Variants in UVRAG observed in about 807,000 individuals in gnomAD.
The protein encoded by UVRAG is UV radiation resistance associated, also known as UV radiation resistance-associated gene protein.
Under a neutral mutation model 78.0 loss-of-function variants are expected in UVRAG, and 19 were observed. The ratio of observed to expected loss-of-function variants is 0.24; its 90% CI spans 0.17 to 0.36. The LOEUF (loss-of-function observed/expected upper bound fraction) is 0.36, where lower values mean the gene tolerates loss of function less well. Among genes scored for constraint, UVRAG ranks in the 10% least tolerant of loss-of-function variants. The probability of loss-of-function intolerance (pLI) is 1.00; values close to 1 mark genes in which losing one functional copy is unlikely to be tolerated. For synonymous variants in UVRAG, 323 were observed against 324.6 expected, an observed-to-expected ratio of 1.00 and a Z score of 0.05; for missense variants, 740 against 853.8, an observed-to-expected ratio of 0.87 and a Z score of 1.66.
chr11:76,079,302 A>C (rs1413786549), intron 13 of UVRAG, among the ~76,000 whole-genome samples: 1 of 152,054 alleles, frequency 6.6e-6, no homozygotes. Context: ...TGGGCAGCAC[A>C]ACAAGACCTC....
At chr11:75,923,484 C>G (rs1162224760) in intron 6 of UVRAG, among the ~76,000 whole-genome samples, 2 of 152,138 alleles carry the variant, frequency 1.3e-5, no homozygotes, top group African/African-American at 2.4e-5. Flanking sequence ...GCATTTGTCT[C>G]TGGATCGCTG....
chr11:75,867,625 AT>A (rs1435724067), intron 3 of UVRAG, among the ~76,000 whole-genome samples: 1 of 152,138 alleles, frequency 6.6e-6, no homozygotes, highest in African/African-American at 2.4e-5. Flanking sequence ...GTATGGATGT[AT>A]TTCTGTTGAG....
intron 1 of UVRAG, among the ~76,000 whole-genome samples, chr11:75,848,102 G>A (rs1946075862): frequency 6.6e-6 from 1 of 151,750 alleles, no homozygotes; most frequent in Admixed American, 6.6e-5. Flanking sequence ...GGAGACTGAG[G>A]TGGGAGGATT....
intron 1 of UVRAG, among the ~76,000 whole-genome samples, chr11:75,838,689 A>G (rs1251361422): frequency 6.6e-6 from 1 of 152,188 alleles, no homozygotes; most frequent in Non-Finnish European, 1.5e-5. Flanking sequence ...TCAGATTGCC[A>G]TCTGTTATGG....
intron 6 of UVRAG, among the ~76,000 whole-genome samples, chr11:75,956,756 T>C (rs1170479962): frequency 1.3e-5 from 2 of 152,204 alleles, no homozygotes; most frequent in Non-Finnish European, 2.9e-5. Context: ...TTTAGTGTTG[T>C]CATTTTAATT....
At chr11:75,878,006 G>T (rs1352576624) in intron 3 of UVRAG, among the ~76,000 whole-genome samples, 2 of 147,986 alleles carry the variant, frequency 1.4e-5, no homozygotes, top group Non-Finnish European at 3.0e-5. Flanking sequence ...GGGCGGAGAC[G>T]CTCCTCACTT....
intron 12 of UVRAG, among the ~76,000 whole-genome samples, chr11:76,038,310 A>C (rs992540381): frequency 1.3e-5 from 2 of 152,178 alleles, no homozygotes; most frequent in Non-Finnish European, 2.9e-5. Flanking sequence ...AAAAAATTCC[A>C]TTCAGCACCT....
At chr11:76,105,932 G>A (rs559708463) in intron 13 of UVRAG, among the ~76,000 whole-genome samples, 6 of 152,162 alleles carry the variant, frequency 3.9e-5, no homozygotes, top group Admixed American at 2.0e-4. Context: ...AAAGTAGTTC[G>A]CATTTTAAAA....
intron 12 of UVRAG, among the ~76,000 whole-genome samples, chr11:76,025,325 A>G (rs976591877): frequency 6.6e-5 from 10 of 152,162 alleles, no homozygotes; most frequent in African/African-American, 1.7e-4. Context: ...TTATTGTGCT[A>G]CTTAACTGTC....
chr11:75,859,164 C>A (rs1440323928), intron 2 of UVRAG, among the ~76,000 whole-genome samples: 1 of 152,246 alleles, frequency 6.6e-6, no homozygotes, highest in East Asian at 1.9e-4. Context: ...CATTTGAGGT[C>A]AGGAGTTCAA....
chr11:75,873,014 T>C (rs755936862), intron 3 of UVRAG, among the ~76,000 whole-genome samples: 2 of 152,246 alleles, frequency 1.3e-5, no homozygotes, highest in Non-Finnish European at 2.9e-5. Flanking sequence ...AAATCAGTGA[T>C]GGTGATGTGT....
At chr11:75,828,761 A>G (rs1423268841) in intron 1 of UVRAG, among the ~76,000 whole-genome samples, 15,151 of 129,074 alleles carry the variant, frequency 0.12, 1,106 homozygotes, top group East Asian at 0.22. Flanking sequence ...ACACATATAT[A>G]TATATATATA....
intron 13 of UVRAG, among the ~76,000 whole-genome samples, chr11:76,082,319 T>A (rs930010422): frequency 3.9e-5 from 6 of 152,010 alleles, no homozygotes; most frequent in Admixed American, 1.3e-4. Flanking sequence ...GGCGGGCAGA[T>A]CACGAGGTCA....
chr11:76,032,414 C>A (rs1248953001), intron 12 of UVRAG, among the ~76,000 whole-genome samples: 1 of 152,138 alleles, frequency 6.6e-6, no homozygotes, highest in Non-Finnish European at 1.5e-5. Flanking sequence ...TTCTCTAATT[C>A]ATTGAAAATG....
rs143471019 is a variant in UVRAG at position 75,823,459 on chromosome 11, A to G, written c.117+7935A>G. ...AATTATGTGCCTCAGCCTCCCAAGTAGCTGGGACCACAGGTGCACACCACC... is the reference window on the plus strand; with the variant it reads ...AATTATGTGCCTCAGCCTCCCAAGTGGCTGGGACCACAGGTGCACACCACC... On this transcript the variant is annotated intron_variant, in intron 1 of 14. Coordinates refer to ENST00000356136, the MANE Select transcript of UVRAG (RefSeq NM_003369.4). Among the ~76,000 whole-genome samples, 666 of 152,298 alleles carry G rather than the reference A, an allele frequency of 4.4e-3. 4 individuals are homozygous for G. The highest frequency in any genetic ancestry group is 0.015 in the African/African-American group (609 of 41,564).
intron 7 of UVRAG, among the ~76,000 whole-genome samples, chr11:75,962,706 G>T (rs549428453): frequency 6.6e-6 from 1 of 152,150 alleles, no homozygotes; most frequent in African/African-American, 2.4e-5. Context: ...TGAAGGGGGA[G>T]GAAAAATCAC....
chr11:76,089,307 A>C (rs1423402603), intron 13 of UVRAG, among the ~76,000 whole-genome samples: 1 of 152,202 alleles, frequency 6.6e-6, no homozygotes, highest in Non-Finnish European at 1.5e-5. Context: ...TTTCTCTTCT[A>C]GTCAGAGAGC....
At chr11:76,036,132 A>G (rs965805509) in intron 12 of UVRAG, among the ~76,000 whole-genome samples, 55 of 152,228 alleles carry the variant, frequency 3.6e-4, no homozygotes, top group African/African-American at 1.3e-3. Flanking sequence ...ATATCTATTT[A>G]ATGTTTAGTT....
At chr11:75,829,255 C>T (rs1945602073) in intron 1 of UVRAG, among the ~76,000 whole-genome samples, 1 of 152,146 alleles carries the variant, frequency 6.6e-6, no homozygotes, top group Admixed American at 6.6e-5. Context: ...TGCAGAATTT[C>T]TTAACTGCAA....
Sources: allele counts gnomAD v4.1 joint callset (sites outside exome capture counted in the v4.1 genomes callset), GRCh38; gene constraint gnomAD v4.1.1; transcripts MANE v1.5; gene names NCBI Gene and HGNC (gene_info 2026-07-23, HGNC 2026-07-21).